SH3BP5L: variants seen among roughly 807,000 people sequenced by gnomAD.
SH3BP5L encodes the protein SH3 domain-binding protein 5-like.
Under a neutral mutation model 40.9 loss-of-function variants are expected in SH3BP5L, and 16 were observed. That is an observed-to-expected ratio of 0.39 (90% CI 0.27 to 0.59). The LOEUF is 0.59. Among genes scored for constraint, SH3BP5L ranks in the 20% least tolerant of loss-of-function variants. SH3BP5L has a pLI of 0.53. For synonymous variants in SH3BP5L, 229 were observed against 226.7 expected, an observed-to-expected ratio of 1.01 and a Z score of -0.09; for missense variants, 471 against 544.6, an observed-to-expected ratio of 0.86 and a Z score of 1.35.
At chr1:248,824,496 T>C (rs546106259) in intron 2 of SH3BP5L, among the ~76,000 whole-genome samples, 24 of 152,336 alleles carry the variant, frequency 1.6e-4, no homozygotes, top group Non-Finnish European at 2.9e-4. Flanking sequence ...AGTGACACTT[T>C]GCTCCTTCAG....
Position 248,812,517 on chromosome 1 carries a change from GCTCC to G in SH3BP5L, c.712-151_712-148del, listed in dbSNP as rs1190594371. Reference sequence around the variant, plus strand: ...CCACAGACCCACAACAGCCTTCCCTGCTCCACTCTCAGCACCCACCACAGACCCA... The same window carrying G: ...CCACAGACCCACAACAGCCTTCCCTGACTCTCAGCACCCACCACAGACCCA... On this transcript the variant is annotated intron_variant, in intron 6 of 6. Coordinates refer to ENST00000366472, the MANE Select transcript of SH3BP5L (RefSeq NM_030645.3). The surrounding 1 kb of genome is among the most constrained non-coding windows in gnomAD (Gnocchi z 6.1). The G allele has an allele frequency of 4.0e-5, 21 of 520,436 alleles. No homozygotes were observed. The African/African-American group carries it at 8.3e-4, about 21-fold the overall frequency. The allele number at this position is 520,436 out of a possible 1,614,324, so 32.2% of individuals were successfully genotyped here.
intron 4 of SH3BP5L, 28 bp downstream of exon 4, chr1:248,816,506 T>G (rs1361640420): frequency 5.0e-6 from 8 of 1,613,228 alleles, no homozygotes; most frequent in South Asian, 2.2e-5. Flanking sequence ...GCACGTAGCC[T>G]TCCTCAAACG....
chr1:248,819,427 C>T (rs773862793), intron 2 of SH3BP5L, among the ~76,000 whole-genome samples: 7 of 151,094 alleles, frequency 4.6e-5, no homozygotes, highest in East Asian at 3.9e-4. Flanking sequence ...CGTGGGCAGG[C>T]GCAGTGGCTC....
Position 248,812,375 on chromosome 1 carries a change from A to C in SH3BP5L, c.712-5T>G. 1 of 1,602,116 alleles carries C rather than the reference A, an allele frequency of 6.2e-7. No individual in the cohort carries two copies. Among genetic ancestry groups the C allele is most frequent in the Non-Finnish European group, 8.5e-7 (1 of 1,179,478 alleles). On this transcript the variant is annotated splice_polypyrimidine_tract_variant and splice_region_variant and intron_variant, in intron 6 of 6. Transcript: ENST00000366472. The surrounding 1 kb of genome is among the most constrained non-coding windows in gnomAD (Gnocchi z 6.1). The stretch of plus-strand genomic sequence containing the variant: ...TGTCACCTTGGCCTTGTGCTCCTGC[A>C]GAGGGCAGAGCAGAGCAAGGCGACC...
In SH3BP5L at chr1:248,821,301, T is replaced by C. The variant is rs376448763; in HGVS notation, c.183+3452A>G. On this transcript the variant is annotated intron_variant, in intron 2 of 6. Transcript: ENST00000366472. This position sits in a 1 kb window ranked among gnomAD's most constrained non-coding sequence, Gnocchi z 4.6. ...GGGGAGGACAAAGTCTGAATCAACGTGCATCATCCATCAGTGAGCCAGCAG... is the reference window on the plus strand; with the variant it reads ...GGGGAGGACAAAGTCTGAATCAACGCGCATCATCCATCAGTGAGCCAGCAG... 6.6e-6 allele frequency: 1 copy of C among 152,506 alleles called. No homozygotes were observed. Among genetic ancestry groups the C allele is most frequent in the South Asian group, 2.1e-4 (1 of 4,838 alleles). The allele number at this position is 152,506 out of a possible 1,614,324, so 9.4% of individuals were successfully genotyped here.
intron 5 of SH3BP5L, chr1:248,813,406 C>T: frequency 2.5e-6 from 1 of 403,162 alleles, no homozygotes; most frequent in East Asian, 3.6e-5. Flanking sequence ...CAGGCACATG[C>T]CTCTGAGCCA....
Position 248,813,080 on chromosome 1 carries a change from C to G in SH3BP5L, c.620G>C (p.Arg207Pro). ...VTRLCQQAEA[R>P]VQALQKTLRR... is the part of the protein sequence containing the mutation. ...GAGGGTCTTCTGCAGGGCTTGGACC[C>G]GAGCCTCAGCCTGTTGGCACAGCCG... Residue 207 changes from arginine to proline, a missense_variant, in exon 6 of 7, where the codon CGG becomes CCG. By Grantham distance (103) the Arg-to-Pro change is moderately radical. Coordinates refer to ENST00000366472, the MANE Select transcript of SH3BP5L (RefSeq NM_030645.3). The G allele has an allele frequency of 6.2e-7, 1 of 1,612,148 alleles. No homozygotes were observed. The highest frequency in any genetic ancestry group is 8.5e-7 in the Non-Finnish European group (1 of 1,178,976).
chr1:248,822,744 C>T (rs11205413), intron 2 of SH3BP5L, among the ~76,000 whole-genome samples: 1 of 151,410 alleles, frequency 6.6e-6, no homozygotes, highest in African/African-American at 2.4e-5. Context: ...CTCACTGCAA[C>T]CTCCGCCTCC....
Position 248,825,081 on chromosome 1 carries a change from C to T in SH3BP5L, c.-146G>A, listed in dbSNP as rs1664343407. On this transcript the variant is annotated 5_prime_UTR_variant, in exon 2 of 7. Transcript: ENST00000366472. ...GCAGAAAAGGTGGGCACAGGAAGAA[C>T]CTCACACTAGGTTAGAGGTTGAGAT... 7.0e-7 allele frequency: 1 copy of T among 1,427,248 alleles called. No individual in the cohort carries two copies. 88.4% of individuals were successfully genotyped at this position (1,427,248 alleles called of 1,614,324 possible).
rs1416910935 is a variant in SH3BP5L, at chr1:248,824,984, CT to C, written c.-50del. 2.6e-6 allele frequency: 4 copies of C among 1,551,876 alleles called. No individual in the cohort carries two copies. Among genetic ancestry groups the C allele is most frequent in the Non-Finnish European group, 3.5e-6 (4 of 1,153,002 alleles). On this transcript the variant is annotated 5_prime_UTR_variant, in exon 2 of 7. Coordinates refer to ENST00000366472, the MANE Select transcript of SH3BP5L (RefSeq NM_030645.3). The stretch of plus-strand genomic sequence containing the variant: ...CTATGCACAAGAGAGGACTGACATG[CT>C]GGGACCAGGGCCCCAGCTTGGGGCT...
chr1:248,820,922 G>A (rs897628098), intron 2 of SH3BP5L: 12 of 152,230 alleles, frequency 7.9e-5, no homozygotes, highest in African/African-American at 2.9e-4. Context: ...ACTGTTAAAA[G>A]GACAAGAAGA....
At chr1:248,816,402 C>A (rs911137424) in intron 4 of SH3BP5L, 132 bp downstream of exon 4, 10 of 1,192,446 alleles carry the variant, frequency 8.4e-6, no homozygotes, top group Admixed American at 2.2e-5. Context: ...GAGCTGGTTC[C>A]GACCAGCCAG....
rs540755178 is a variant in SH3BP5L, at chr1:248,823,561, G to A, written c.183+1192C>T. 5.9e-5 allele frequency among the ~76,000 whole-genome samples: 9 copies of A among 152,296 alleles called. No individual in the cohort carries two copies. The South Asian group carries it at 1.9e-3, about 32-fold the overall frequency. On this transcript the variant is annotated intron_variant, in intron 2 of 6. Transcript: ENST00000366472. Reference sequence around the variant, plus strand: ...GCTGTTTTCAATGCAATGTCAGGCAGAGCAGAAATAAATTACTGACTCATG... The same window carrying A: ...GCTGTTTTCAATGCAATGTCAGGCAAAGCAGAAATAAATTACTGACTCATG...
intron 2 of SH3BP5L, 59 bp from the exon 3 acceptor site, chr1:248,816,943 A>G (rs1358786834): frequency 6.2e-7 from 1 of 1,612,718 alleles, no homozygotes. Context: ...TGAATGAACC[A>G]TGCAAGGCAG....
Position 248,814,467 on chromosome 1 carries a change from C to G in SH3BP5L, c.519G>C (p.Leu173=). 6.2e-7 allele frequency: 1 copy of G among 1,614,146 alleles called. No homozygotes were observed. The highest frequency in any genetic ancestry group is 2.2e-5 in the East Asian group (1 of 44,884). Residue 173 remains leucine (L), a synonymous_variant, in exon 5 of 7, where the codon CTG becomes CTC. Coordinates refer to ENST00000366472, the MANE Select transcript of SH3BP5L (RefSeq NM_030645.3). ...GGCTCACCTTGCAGGTAGCATGGTT[C>G]AGCATCTCCTGCCACGTGGGGTCCA... The part of the protein sequence containing the change: ...NRLDPTWQEM[L]NHATCKVNEA...
rs1174932693 is a variant in SH3BP5L at position 248,821,682 on chromosome 1, T to C, written c.183+3071A>G. The stretch of plus-strand genomic sequence containing the variant: ...AGATCCACGCTCCTTTCCTCTTCCC[T>C]CCACTGGAACCCTCTCGGAAAGCTG... On this transcript the variant is annotated intron_variant, in intron 2 of 6. Transcript: ENST00000366472. This position sits in a 1 kb window ranked among gnomAD's most constrained non-coding sequence, Gnocchi z 4.6. 6.6e-6 allele frequency among the ~76,000 whole-genome samples: 1 copy of C among 151,488 alleles called. No homozygotes were observed. The highest frequency in any genetic ancestry group is 1.9e-4 in the East Asian group (1 of 5,156).
In SH3BP5L at chr1:248,812,073, T is replaced by C. The variant is rs776296122; in HGVS notation, c.1009A>G (p.Ser337Gly). Residue 337 changes from serine (S) to glycine (G), a missense_variant, in exon 7 of 7, where the codon AGC becomes GGC. Around this residue, in one of 2 missense-constraint regions of SH3BP5L, gnomAD observed 196 missense variants for 174.6 expected, o/e 1.12. Transcript: ENST00000366472. The surrounding 1 kb of genome is among the most constrained non-coding windows in gnomAD (Gnocchi z 6.1). ...APDTDTLSLL[S>G]LRTVASDLQK... ...AGGTCTGAAGCCACCGTGCGCAGGC[T>C]CAGCAGACTCAGGGTATCGGTGTCG... 1 of 1,612,874 alleles carries C rather than the reference T, an allele frequency of 6.2e-7. No individual in the cohort carries two copies. Among genetic ancestry groups the C allele is most frequent in the Non-Finnish European group, 8.5e-7 (1 of 1,179,572 alleles).
intron 1 of SH3BP5L, 24 bp downstream of exon 1, chr1:248,825,811 C>T (rs1461320149): frequency 2.2e-6 from 2 of 925,074 alleles, no homozygotes; most frequent in Non-Finnish European, 2.6e-6. Context: ...CAGCCATGCG[C>T]AAAAGCCCCC....
At chr1:248,814,325 G>T in intron 5 of SH3BP5L, 124 bp downstream of exon 5, 1 of 1,143,456 alleles carries the variant, frequency 8.7e-7, no homozygotes, top group South Asian at 1.5e-5. Context: ...GGTTTTGCCT[G>T]AAACAGAATC....
Sources: allele counts gnomAD v4.1 joint callset (sites outside exome capture counted in the v4.1 genomes callset), GRCh38; gene constraint gnomAD v4.1.1; regional missense constraint gnomAD v4.1.1; non-coding constraint Gnocchi (gnomAD v3.1); transcripts MANE v1.5; gene names NCBI Gene and HGNC (gene_info 2026-07-23, HGNC 2026-07-21).